MYOCOS: variants seen among roughly 807,000 people sequenced by gnomAD.
The protein encoded by MYOCOS is myocilin opposite strand, also known as myocilin opposite strand protein.
intron 2 of MYOCOS, 113 bp downstream of exon 2, chr1:171,624,091 T>C (rs1652631257): frequency 7.5e-6 from 3 of 397,804 alleles, no homozygotes; most frequent in Non-Finnish European, 1.3e-5. Flanking sequence ...ATGTATTTAA[T>C]GCTGCTGCAA....
intron 1 of MYOCOS, among the ~76,000 whole-genome samples, chr1:171,607,046 A>G (rs1006973211): frequency 6.7e-6 from 1 of 149,772 alleles, no homozygotes; most frequent in African/African-American, 2.5e-5. Flanking sequence ...CTGAGCAGAG[A>G]TCACACCACT....
At chr1:171,612,409 A>G (rs1652374437) in intron 1 of MYOCOS, among the ~76,000 whole-genome samples, 2 of 152,024 alleles carry the variant, frequency 1.3e-5, no homozygotes. Context: ...GGGTGTCACC[A>G]ATCAGGGTTA....
intron 1 of MYOCOS, among the ~76,000 whole-genome samples, chr1:171,602,203 A>G (rs957675535): frequency 3.5e-4 from 53 of 152,226 alleles, no homozygotes; most frequent in African/African-American, 1.3e-3. Context: ...AAGTTGAGAC[A>G]TGTTGAAAAA....
upstream of MYOCOS, among the ~76,000 whole-genome samples, chr1:171,621,293 A>G (rs1321148388): frequency 5.9e-5 from 9 of 151,710 alleles, no homozygotes; most frequent in South Asian, 2.1e-4. Context: ...CTACGTATAT[A>G]TAGACCTTGT....
At chr1:171,617,762 T>A (rs1483426918), upstream of MYOCOS, among the ~76,000 whole-genome samples, 2 of 152,180 alleles carry the variant, frequency 1.3e-5, no homozygotes, top group African/African-American at 2.4e-5. Flanking sequence ...AGAAATAACA[T>A]GTTTGTTCAC....
intron 1 of MYOCOS, among the ~76,000 whole-genome samples, chr1:171,608,641 T>C (rs1652298882): frequency 6.6e-6 from 1 of 152,016 alleles, no homozygotes; most frequent in Non-Finnish European, 1.5e-5. Flanking sequence ...CAGGATGGTC[T>C]CGATCTCCTG....
upstream of MYOCOS, among the ~76,000 whole-genome samples, chr1:171,622,049 T>G (rs929115): frequency 0.2 from 30,294 of 152,070 alleles, 3,254 homozygotes; most frequent in East Asian, 0.32. Flanking sequence ...AATCAACTCC[T>G]TTAATTTCAG....
upstream of MYOCOS, among the ~76,000 whole-genome samples, chr1:171,621,551 A>G (rs926490167): frequency 2.0e-5 from 3 of 151,534 alleles, no homozygotes; most frequent in Non-Finnish European, 4.4e-5. Flanking sequence ...AATTTTTTGT[A>G]TTTTTAGTAG....
chr1:171,613,038 G>A (rs1652383100), intron 1 of MYOCOS, among the ~76,000 whole-genome samples: 1 of 152,078 alleles, frequency 6.6e-6, no homozygotes, highest in Non-Finnish European at 1.5e-5. Flanking sequence ...CTGATGGAGG[G>A]TCCATGTTTA....
upstream of MYOCOS, among the ~76,000 whole-genome samples, chr1:171,618,773 A>G (rs111604919): frequency 0.047 from 7,095 of 152,080 alleles, 512 homozygotes; most frequent in African/African-American, 0.16. Context: ...ACGGGGTTTC[A>G]CCATGTTGGC....
At chr1:171,620,773 C>CTTTTTTT (rs34455235), upstream of MYOCOS, among the ~76,000 whole-genome samples, 8 of 127,186 alleles carry the variant, frequency 6.3e-5, no homozygotes, top group Admixed American at 1.7e-4. Flanking sequence ...CTTTTTCTTT[C>CTTTTTTT]TTTTTTTTTT....
intron 1 of MYOCOS, among the ~76,000 whole-genome samples, chr1:171,601,363 A>G (rs566257023): frequency 3.3e-5 from 5 of 152,118 alleles, no homozygotes; most frequent in African/African-American, 1.2e-4. Context: ...ATTTTTTGGT[A>G]CACGGATTTT....
chr1:171,617,482 C>T (rs918524869), upstream of MYOCOS, among the ~76,000 whole-genome samples: 5 of 152,012 alleles, frequency 3.3e-5, no homozygotes, highest in African/African-American at 1.2e-4. Context: ...TTGGACCAAG[C>T]GAGAGGGTGG....
upstream of MYOCOS, among the ~76,000 whole-genome samples, chr1:171,617,858 G>C (rs1177736862): frequency 6.6e-6 from 1 of 152,182 alleles, no homozygotes; most frequent in Non-Finnish European, 1.5e-5. Context: ...GTAGATGAGA[G>C]GGAATGGAAT....
At chr1:171,614,583 G>A (rs1320027421) in intron 1 of MYOCOS, among the ~76,000 whole-genome samples, 1 of 152,090 alleles carries the variant, frequency 6.6e-6, no homozygotes, top group East Asian at 1.9e-4. Flanking sequence ...CGTGGCTAAG[G>A]CAACTCTCTT....
chr1:171,618,708 TGGGATTACA>T (rs1407043975), upstream of MYOCOS, among the ~76,000 whole-genome samples: 11 of 152,318 alleles, frequency 7.2e-5, no homozygotes, highest in African/African-American at 2.6e-4. Flanking sequence ...CCCGAGTAGC[TGGGATTACA>T]GGTGTGGGCC....
intron 1 of MYOCOS, among the ~76,000 whole-genome samples, chr1:171,602,939 A>G (rs899498223): frequency 6.6e-6 from 1 of 152,224 alleles, no homozygotes; most frequent in East Asian, 1.9e-4. Context: ...TCTGCACGTT[A>G]TAAAAAGCAA....
At chr1:171,615,410 T>G (rs141963927) in intron 2 of MYOCOS, among the ~76,000 whole-genome samples, 18 of 152,256 alleles carry the variant, frequency 1.2e-4, no homozygotes, top group African/African-American at 4.1e-4. Context: ...ACTTCTAGAT[T>G]TGGCGCTTGT....
chr1:171,607,857 A>G (rs1652280011), intron 1 of MYOCOS, among the ~76,000 whole-genome samples: 1 of 152,246 alleles, frequency 6.6e-6, no homozygotes, highest in Admixed American at 6.5e-5. Flanking sequence ...CTGCTAATAA[A>G]GACATACCCA....
Sources: allele counts gnomAD v4.1 joint callset (sites outside exome capture counted in the v4.1 genomes callset), GRCh38; gene constraint gnomAD v4.1.1; transcripts MANE v1.5; gene names NCBI Gene and HGNC (gene_info 2026-07-23, HGNC 2026-07-21).